The following ATAD2B variants were observed in gnomAD, a reference collection of about 807,000 sequenced individuals.
The protein encoded by ATAD2B is ATPase family AAA domain containing 2B.
Under a neutral mutation model 167.6 loss-of-function variants are expected in ATAD2B, and 40 were observed. That is an observed-to-expected ratio of 0.24 (90% CI 0.19 to 0.31). The LOEUF (loss-of-function observed/expected upper bound fraction) is 0.31. ATAD2B is among the 10% of genes least tolerant of loss of function. The probability of loss-of-function intolerance (pLI) is 1.00; values close to 1 mark genes in which losing one functional copy is unlikely to be tolerated. For missense variants in ATAD2B, 1,242 were observed against 1,757.2 expected, an observed-to-expected ratio of 0.71 and a Z score of 5.24; for synonymous variants, 579 against 596.5, an observed-to-expected ratio of 0.97 and a Z score of 0.43.
the ATAD2B span, among the ~76,000 whole-genome samples, chr2:23,727,891 G>T: frequency 3.6e-3 from 553 of 152,268 alleles, 1 homozygote; most frequent in Non-Finnish European, 6.5e-3. Flanking sequence ...AATATTAGTG[G>T]CTGTCAGAAG....
chr2:23,780,451 T>G (rs1001328070), intron 22 of ATAD2B, among the ~76,000 whole-genome samples: 63 of 152,306 alleles, frequency 4.1e-4, no homozygotes, highest in African/African-American at 1.4e-3. Flanking sequence ...ACTGGGTTGA[T>G]GCAAAACAAC....
rs1675369127 is a variant in ATAD2B, at chr2:23,751,674, G to A, written c.*372C>T. 6 of 238,248 alleles carry A rather than the reference G, an allele frequency of 2.5e-5. No individual in the cohort carries two copies. In the South Asian group the frequency reaches 4.2e-4, roughly 17 times the overall value. The allele number at this position is 238,248 out of a possible 1,614,324, so 14.8% of individuals were successfully genotyped here. A position where few individuals can be genotyped will look rare whatever the true frequency, so the allele number is the denominator to read the frequency against. On this transcript the variant is annotated 3_prime_UTR_variant, in exon 28 of 28. Transcript: ENST00000238789. ...CTGTTTAAACAATTCAACACAGTTAGAACTGCCCCCATCCAGTTTCCTCCT... is the reference window on the plus strand; with the variant it reads ...CTGTTTAAACAATTCAACACAGTTAAAACTGCCCCCATCCAGTTTCCTCCT...
chr2:23,731,983 C>CA, the ATAD2B span, among the ~76,000 whole-genome samples: 69,357 of 137,660 alleles, frequency 0.5, 17,256 homozygotes, highest in East Asian at 0.79. Context: ...TCCTAGGGGG[C>CA]AAAAAAAAAA....
At chr2:23,847,501 T>G (rs1370770957) in intron 13 of ATAD2B, among the ~76,000 whole-genome samples, 1 of 150,086 alleles carries the variant, frequency 6.7e-6, no homozygotes, top group African/African-American at 2.5e-5. Flanking sequence ...TAAGACTCCA[T>G]CTCAAAAAAA....
intron 18 of ATAD2B, among the ~76,000 whole-genome samples, chr2:23,807,013 A>G (rs185500255): frequency 1.7e-4 from 26 of 152,350 alleles, no homozygotes; most frequent in African/African-American, 3.6e-4. Context: ...TGAAGTCACC[A>G]TAAGTATTCT....
chr2:23,858,465 C>T (rs908755659), intron 12 of ATAD2B, among the ~76,000 whole-genome samples: 1 of 150,508 alleles, frequency 6.6e-6, no homozygotes, highest in African/African-American at 2.4e-5. Flanking sequence ...AAGTAATTTC[C>T]GTATACTTAA....
intron 23 of ATAD2B, among the ~76,000 whole-genome samples, chr2:23,765,047 G>A (rs1346866587): frequency 1.3e-5 from 2 of 152,126 alleles, no homozygotes; most frequent in African/African-American, 4.8e-5. Context: ...AGTTCCTCAA[G>A]GACAAGATTA....
chr2:23,816,608 G>T (rs1488906411), intron 17 of ATAD2B, among the ~76,000 whole-genome samples: 1 of 152,164 alleles, frequency 6.6e-6, no homozygotes, highest in Non-Finnish European at 1.5e-5. Flanking sequence ...ACATGGAAGT[G>T]TGGTCACCAA....
intron 1 of ATAD2B, among the ~76,000 whole-genome samples, chr2:23,921,617 A>G (rs929689841): frequency 6.6e-6 from 1 of 152,228 alleles, no homozygotes; most frequent in Non-Finnish European, 1.5e-5. Context: ...TCCATGACCT[A>G]AACAACAGAA....
the ATAD2B span, chr2:23,703,832 C>G: frequency 3.9e-6 from 6 of 1,537,434 alleles, no homozygotes; most frequent in Middle Eastern, 3.3e-4. Flanking sequence ...TAAGGCGGGC[C>G]CAAACATGAA....
intron 1 of ATAD2B, among the ~76,000 whole-genome samples, chr2:23,919,189 AG>A (rs779520518): frequency 2.3e-4 from 14 of 59,902 alleles, no homozygotes; most frequent in South Asian, 5.2e-4. Flanking sequence ...TTAAAAAAAA[AG>A]AGAGAGAGAG....
chr2:23,790,393 A>G (rs1190326470), intron 19 of ATAD2B, among the ~76,000 whole-genome samples: 2 of 152,316 alleles, frequency 1.3e-5, no homozygotes, highest in Admixed American at 6.5e-5. Context: ...AGAACTTAAT[A>G]TCCTAGACGT....
intron 27 of ATAD2B, among the ~76,000 whole-genome samples, chr2:23,752,902 A>G (rs1173145710): frequency 6.6e-6 from 1 of 151,950 alleles, no homozygotes; most frequent in African/African-American, 2.4e-5. Flanking sequence ...CCCTCCCTAA[A>G]CTAGGCCTCT....
chr2:23,888,560 C>T (rs760891569), intron 2 of ATAD2B, among the ~76,000 whole-genome samples, 161 bp from the exon 3 acceptor site: 4 of 152,002 alleles, frequency 2.6e-5, no homozygotes, highest in Non-Finnish European at 5.9e-5. Flanking sequence ...ATAAAATATA[C>T]TAGCTAGTTA....
In ATAD2B at chr2:23,794,808, T is replaced by A. The variant is rs558216256; in HGVS notation, c.2640+3330A>T. 6.5e-4 allele frequency among the ~76,000 whole-genome samples: 99 copies of A among 152,214 alleles called. 1 individual carries two copies. The highest frequency in any genetic ancestry group is 2.3e-3 in the African/African-American group (94 of 41,552). On this transcript the variant is annotated intron_variant, in intron 19 of 27. Coordinates refer to ENST00000238789, the MANE Select transcript of ATAD2B (RefSeq NM_017552.4). ...ATGTATATATGGTTTATAGTTTTAT[T>A]ATAAACCATATATGCATGAAATATT... is the stretch of plus-strand genomic sequence containing the variant.
At chr2:23,730,782 A>C in the ATAD2B span, among the ~76,000 whole-genome samples, 1 of 151,882 alleles carries the variant, frequency 6.6e-6, no homozygotes. Flanking sequence ...TTATATTAGA[A>C]AAGAAAGTTC....
intron 13 of ATAD2B, among the ~76,000 whole-genome samples, chr2:23,855,682 T>C (rs1434072754): frequency 1.3e-5 from 2 of 152,160 alleles, no homozygotes; most frequent in African/African-American, 4.8e-5. Flanking sequence ...TGAGACTAGG[T>C]GTCAGAAACC....
intron 24 of ATAD2B, among the ~76,000 whole-genome samples, chr2:23,761,399 T>C (rs957926855): frequency 1.6e-4 from 24 of 152,252 alleles, no homozygotes; most frequent in African/African-American, 5.8e-4. Flanking sequence ...TCGTTCAAAG[T>C]AACTGCTCGT....
chr2:23,728,593 G>A, the ATAD2B span, among the ~76,000 whole-genome samples: 2 of 152,186 alleles, frequency 1.3e-5, no homozygotes, highest in Non-Finnish European at 2.9e-5. Flanking sequence ...AATGGTAGTG[G>A]AAAGGGAGAT....
Sources: allele counts gnomAD v4.1 joint callset (sites outside exome capture counted in the v4.1 genomes callset), GRCh38; gene constraint gnomAD v4.1.1; transcripts MANE v1.5; gene names NCBI Gene and HGNC (gene_info 2026-07-23, HGNC 2026-07-21).